The following RNF121 variants were observed in gnomAD, a reference collection of about 807,000 sequenced individuals.
RNF121 encodes the protein E3 ubiquitin ligase RNF121.
A neutral mutation model predicts 46.5 loss-of-function variants in RNF121; 21 were observed. The observed-to-expected ratio is 0.45, with a 90% CI of 0.32 to 0.65. The LOEUF is 0.65. Among genes scored for constraint, RNF121 ranks in the 30% least tolerant of loss-of-function variants. The probability of loss-of-function intolerance (pLI) is 0.04; values close to 1 mark genes in which losing one functional copy is unlikely to be tolerated. For synonymous variants in RNF121, 139 were observed against 144.7 expected, an observed-to-expected ratio of 0.96 and a Z score of 0.28; for missense variants, 346 against 416.0, an observed-to-expected ratio of 0.83 and a Z score of 1.46.
intron 3 of RNF121, among the ~76,000 whole-genome samples, chr11:71,980,384 T>A (rs1251256635): frequency 7.6e-4 from 115 of 151,942 alleles, no homozygotes; most frequent in African/African-American, 2.6e-3. Context: ...TAACACTCTG[T>A]CACCTAGGCT....
At chr11:71,976,646 C>T (rs759646463) in intron 3 of RNF121, among the ~76,000 whole-genome samples, 1 of 152,012 alleles carries the variant, frequency 6.6e-6, no homozygotes, top group Non-Finnish European at 1.5e-5. Flanking sequence ...GCGTGAGCCA[C>T]GGCACCTGGC....
chr11:71,969,109 A>G (rs992773447), intron 3 of RNF121, among the ~76,000 whole-genome samples: 1 of 151,172 alleles, frequency 6.6e-6, no homozygotes, highest in Non-Finnish European at 1.5e-5. Context: ...CTGGTCTCGA[A>G]CTCCTGACCT....
At chr11:71,975,993 C>G (rs564765655) in intron 3 of RNF121, among the ~76,000 whole-genome samples, 1 of 152,260 alleles carries the variant, frequency 6.6e-6, no homozygotes, top group African/African-American at 2.4e-5. Flanking sequence ...GTGTTTCTGC[C>G]TTGTAGAGTG....
chr11:71,984,382 C>T (rs1227306578), intron 4 of RNF121, among the ~76,000 whole-genome samples: 1 of 151,890 alleles, frequency 6.6e-6, no homozygotes, highest in Admixed American at 6.6e-5. Context: ...TGGGTTCACA[C>T]CATTTTCCTG....
chr11:71,930,704 A>T (rs1201955014), intron 1 of RNF121, among the ~76,000 whole-genome samples: 1 of 152,168 alleles, frequency 6.6e-6, no homozygotes, highest in Non-Finnish European at 1.5e-5. Context: ...ACTGTATTGA[A>T]GTTCTTATTT....
intron 5 of RNF121, among the ~76,000 whole-genome samples, chr11:71,989,525 C>T (rs1954828612): frequency 6.6e-6 from 1 of 152,152 alleles, no homozygotes; most frequent in African/African-American, 2.4e-5. Context: ...TCAATGATTT[C>T]TAGTGAGTTA....
chr11:71,973,677 C>T (rs1193829962), intron 3 of RNF121, among the ~76,000 whole-genome samples: 1 of 151,880 alleles, frequency 6.6e-6, no homozygotes, highest in Non-Finnish European at 1.5e-5. Flanking sequence ...ATCCCAGCTA[C>T]TGTGGAGGCT....
chr11:71,993,887 C>T (rs1954915864), intron 6 of RNF121, among the ~76,000 whole-genome samples: 1 of 148,170 alleles, frequency 6.7e-6, no homozygotes, highest in East Asian at 2.0e-4. Flanking sequence ...GTTGCCCAGG[C>T]TGGAGTGCAG....
intron 1 of RNF121, among the ~76,000 whole-genome samples, chr11:71,936,904 C>G (rs7130215): frequency 0.027 from 4,091 of 152,206 alleles, 190 homozygotes; most frequent in African/African-American, 0.094. Context: ...TAGCCCATAT[C>G]CATATATTTA....
At chr11:71,989,687 A>T (rs1212890801) in intron 5 of RNF121, among the ~76,000 whole-genome samples, 2 of 152,170 alleles carry the variant, frequency 1.3e-5, no homozygotes, top group African/African-American at 2.4e-5. Flanking sequence ...CGGTCCTTGG[A>T]ATTATTAAAA....
At chr11:71,935,227 C>T (rs1218614335) in intron 1 of RNF121, among the ~76,000 whole-genome samples, 3 of 152,312 alleles carry the variant, frequency 2.0e-5, no homozygotes, top group Admixed American at 6.5e-5. Flanking sequence ...GCCACTGCGC[C>T]CAGCCCTTAG....
intron 1 of RNF121, among the ~76,000 whole-genome samples, chr11:71,942,160 C>T (rs1474706915): frequency 6.6e-6 from 1 of 151,908 alleles, no homozygotes. Flanking sequence ...GTCTCAATCT[C>T]CTGACCTAAT....
rs1954982690 is a variant in RNF121, at chr11:71,996,551, C to CT, written c.*243dup. The CT allele has an allele frequency of 9.0e-6, 4 of 443,844 alleles. No homozygotes were observed. The highest frequency in any genetic ancestry group is 3.9e-5 in the Admixed American group (1 of 25,466). 27.5% of individuals were successfully genotyped at this position (443,844 alleles called of 1,614,324 possible). A position where few individuals can be genotyped will look rare whatever the true frequency, so the allele number is the denominator to read the frequency against. On this transcript the variant is annotated 3_prime_UTR_variant, in exon 9 of 9. Coordinates refer to ENST00000361756, the MANE Select transcript of RNF121 (RefSeq NM_018320.5). ...ATTTTGATGAATATATTTAAAAAAC[C>CT]TTTTTTTATTGTGGAGCATAGGAAT...
intron 3 of RNF121, among the ~76,000 whole-genome samples, chr11:71,980,897 T>C (rs1446280126): frequency 6.6e-6 from 1 of 152,258 alleles, no homozygotes; most frequent in Non-Finnish European, 1.5e-5. Context: ...AGATATTTTG[T>C]ATGTATTGGA....
intron 6 of RNF121, among the ~76,000 whole-genome samples, chr11:71,993,940 A>C (rs1954917570): frequency 6.7e-6 from 1 of 148,682 alleles, no homozygotes; most frequent in Non-Finnish European, 1.5e-5. Context: ...TCCCGGGTTC[A>C]CGCCATTCTC....
intron 3 of RNF121, among the ~76,000 whole-genome samples, chr11:71,968,764 T>G (rs921739508): frequency 6.6e-6 from 1 of 152,182 alleles, no homozygotes; most frequent in Non-Finnish European, 1.5e-5. Flanking sequence ...GAGAAACAAC[T>G]TTGAAAAACA....
intron 3 of RNF121, among the ~76,000 whole-genome samples, chr11:71,965,703 A>G (rs1319436099): frequency 6.6e-6 from 1 of 152,204 alleles, no homozygotes; most frequent in Non-Finnish European, 1.5e-5. Flanking sequence ...TATAGAATGC[A>G]CTCCTAGAAA....
In RNF121 at chr11:71,970,141, A is replaced by G. The variant is rs1425415336; in HGVS notation, c.243+9250A>G. On this transcript the variant is annotated intron_variant, in intron 3 of 8. Coordinates refer to ENST00000361756, the MANE Select transcript of RNF121 (RefSeq NM_018320.5). ...ATAAGCCAGTCACAAAGAGACCAATATGATTCCACTTATATGAGATATCTA... is the reference window on the plus strand; with the variant it reads ...ATAAGCCAGTCACAAAGAGACCAATGTGATTCCACTTATATGAGATATCTA... Among the ~76,000 whole-genome samples, 3 of 152,340 alleles carry G rather than the reference A, an allele frequency of 2.0e-5. No homozygotes were observed. In the East Asian group the frequency reaches 5.8e-4, roughly 29 times the overall value.
At chr11:71,967,949 T>C (rs577737553) in intron 3 of RNF121, among the ~76,000 whole-genome samples, 22 of 152,350 alleles carry the variant, frequency 1.4e-4, no homozygotes, top group African/African-American at 5.3e-4. Flanking sequence ...AAGAGCTCTT[T>C]GTAGGTCAGG....
Sources: allele counts gnomAD v4.1 joint callset (sites outside exome capture counted in the v4.1 genomes callset), GRCh38; gene constraint gnomAD v4.1.1; transcripts MANE v1.5; gene names NCBI Gene and HGNC (gene_info 2026-07-23, HGNC 2026-07-21).